ABCA9: variants seen among roughly 807,000 people sequenced by gnomAD.
ABCA9 encodes ATP binding cassette subfamily A member 9.
Under a neutral mutation model 205.3 loss-of-function variants are expected in ABCA9, and 183 were observed. The ratio of observed to expected loss-of-function variants is 0.89; its 90% confidence interval spans 0.79 to 1.01. The LOEUF (loss-of-function observed/expected upper bound fraction) is 1.01. Among genes scored for constraint, ABCA9 ranks in the 50% least tolerant of loss-of-function variants. The pLI, the probability that ABCA9 is intolerant of heterozygous loss-of-function variation, is 0.00. For synonymous variants in ABCA9, 651 were observed against 683.3 expected (o/e 0.95, Z 0.74); for missense variants, 1,805 against 1,912.4 (o/e 0.94, Z 1.05).
chr17:69,012,129 GT>G, intron 22 of ABCA9, 46 bp from the exon 23 acceptor site: 1 of 1,326,062 alleles, frequency 7.5e-7, no homozygotes, highest in Non-Finnish European at 1.1e-6. Context: ...TTGGGCATCT[GT>G]TTCATCTGTA....
intron 3 of ABCA9, among the ~76,000 whole-genome samples, chr17:69,048,169 G>A (rs1217572297): frequency 6.6e-6 from 1 of 152,108 alleles, no homozygotes; most frequent in African/African-American, 2.4e-5. Context: ...TCAAAACATG[G>A]AGATTACAGG....
At chr17:69,026,910 T>C (rs2144333838) in intron 15 of ABCA9, 66 bp downstream of exon 15, 2 of 1,567,738 alleles carry the variant, frequency 1.3e-6, no homozygotes, top group East Asian at 2.2e-5. Flanking sequence ...CTGTGGAGCA[T>C]ACCTGTTCAT....
At chr17:69,062,653 G>A (rs1015456558), upstream of ABCA9, among the ~76,000 whole-genome samples, 4 of 152,042 alleles carry the variant, frequency 2.6e-5, no homozygotes, top group Non-Finnish European at 4.4e-5. Context: ...TGGGACTACA[G>A]GCACCTGCCA....
At chr17:68,995,277 T>A (rs2069580252) in intron 26 of ABCA9, among the ~76,000 whole-genome samples, 1 of 152,138 alleles carries the variant, frequency 6.6e-6, no homozygotes, top group African/African-American at 2.4e-5. Flanking sequence ...TGTTCTCTTA[T>A]CTCCCTGGCT....
Position 69,033,815 on chromosome 17 carries a change from G to GGA in ABCA9, c.1185_1186dup (p.Pro396LeufsTer5), listed in dbSNP as rs2071242282. 1.2e-6 allele frequency: 2 copies of GGA among 1,608,334 alleles called. No individual in the cohort carries two copies. Among genetic ancestry groups the GGA allele is most frequent in the Non-Finnish European group, 1.7e-6 (2 of 1,175,442 alleles). ...GAAAAGAGTAGCTATTATGAGGTAT[G>GGA]GATTTTGTGAAGAATCCAAGTGGGC... On this transcript the variant is annotated frameshift_variant, in exon 9 of 39. Transcript: ENST00000340001. LOFTEE classifies it high-confidence loss of function.
Position 68,974,879 on chromosome 17 carries a change from G to C in ABCA9, c.*1036C>G, listed in dbSNP as rs2068859313. On this transcript the variant is annotated 3_prime_UTR_variant, in exon 39 of 39. Transcript: ENST00000340001. ...TTTATTTATTTTTATTATACTTTAA[G>C]TTCTGGGATACATGTGCTGAATGTG... 6.6e-6 allele frequency: 1 copy of C among 152,020 alleles called. No individual in the cohort carries two copies. The highest frequency in any genetic ancestry group is 6.6e-5 in the Admixed American group (1 of 15,266). 9.4% of individuals were successfully genotyped at this position (152,020 alleles called of 1,614,324 possible).
Position 68,989,051 on chromosome 17 carries a change from T to C in ABCA9, c.4023A>G (p.Gly1341=), listed in dbSNP as rs2144013468. 1 of 1,613,074 alleles carries C rather than the reference T, an allele frequency of 6.2e-7. No individual in the cohort carries two copies. Among genetic ancestry groups the C allele is most frequent in the Non-Finnish European group, 8.5e-7 (1 of 1,179,148 alleles). Residue 1341 remains glycine, a synonymous_variant, in exon 31 of 39, where the codon GGA becomes GGG. Transcript: ENST00000340001. ...CCTGTCCTGCAGTTGGTTTTGTGTC[T>C]CCAGTTATCATCTTAATAGTTGTAC... ...GKSTTIKMIT[G]DTKPTAGQVI... is the part of the protein sequence containing the mutation.
At chr17:69,032,486 A>C (rs878908871) in intron 9 of ABCA9, 2 of 427,386 alleles carry the variant, frequency 4.7e-6, no homozygotes, top group Admixed American at 4.0e-5. Flanking sequence ...TAACATGAGA[A>C]GCATGTAGCA....
upstream of ABCA9, among the ~76,000 whole-genome samples, chr17:69,065,427 T>C (rs2072337216): frequency 6.6e-6 from 1 of 152,206 alleles, no homozygotes. Context: ...TCATTCCCAC[T>C]ACTGCCTTGA....
chr17:69,058,653 C>T (rs9902715), intron 1 of ABCA9, among the ~76,000 whole-genome samples: 11 of 152,086 alleles, frequency 7.2e-5, no homozygotes, highest in Middle Eastern at 3.4e-3. Flanking sequence ...GCCTGGCCAA[C>T]GTGGTGAAAC....
Position 69,008,149 on chromosome 17 carries a change from G to C in ABCA9, c.3234C>G (p.Tyr1078Ter). The change falls in exon 24 of 39, where the codon TAC (tyrosine) becomes TAG (stop). Residue 1078 changes from tyrosine to a stop codon, truncating the protein, a stop_gained. Coordinates refer to ENST00000340001, the MANE Select transcript of ABCA9 (RefSeq NM_080283.4). LOFTEE classifies it high-confidence loss of function. ...TTTGCATTAGCAGGAGGATCAAAAA[G>C]TACAGGGAAACATCCACCAGTGCTT... ...FGQALVDVSL[Y>*]FLILLLMQIM... is the part of the protein sequence containing the mutation. 2 of 1,613,474 alleles carry C rather than the reference G, an allele frequency of 1.2e-6. No individual in the cohort carries two copies. Among genetic ancestry groups the C allele is most frequent in the South Asian group, 1.1e-5 (1 of 91,066 alleles).
intron 31 of ABCA9, among the ~76,000 whole-genome samples, chr17:68,987,184 G>C (rs1187549205): frequency 6.6e-6 from 1 of 152,138 alleles, no homozygotes; most frequent in African/African-American, 2.4e-5. Context: ...ATTATCACAA[G>C]CATGGATTAT....
rs1406768655 is a variant in ABCA9 at position 69,020,349 on chromosome 17, T to C, written c.2600+39A>G. ...TTTGCTCTCTTAAATTTATTTTTAG[T>C]TCACAGACAAAACAAATCTGAAACA... is the stretch of plus-strand genomic sequence containing the variant. On this transcript the variant is annotated intron_variant, in intron 19 of 38. Transcript: ENST00000340001. 1.9e-6 allele frequency: 3 copies of C among 1,546,426 alleles called. No homozygotes were observed. In the East Asian group the frequency reaches 6.8e-5, roughly 35 times the overall value.
intron 23 of ABCA9, among the ~76,000 whole-genome samples, chr17:69,011,212 G>GTAAC (rs1197760596): frequency 6.6e-6 from 1 of 152,140 alleles, no homozygotes; most frequent in African/African-American, 2.4e-5. Context: ...GAGTGATTAA[G>GTAAC]TAACTTTTGA....
the ABCA9 span, chr17:69,078,923 TA>T: frequency 9.1e-7 from 1 of 1,104,164 alleles, no homozygotes; most frequent in Non-Finnish European, 1.3e-6. Context: ...AATTATTACA[TA>T]AAACATGAGT....
At chr17:68,992,005 T>A (rs951806807) in intron 28 of ABCA9, among the ~76,000 whole-genome samples, 170 bp downstream of exon 28, 3 of 152,240 alleles carry the variant, frequency 2.0e-5, no homozygotes, top group African/African-American at 4.8e-5. Context: ...TCTCTCTAGA[T>A]TGTAAGCTCA....
intron 32 of ABCA9, among the ~76,000 whole-genome samples, chr17:68,985,496 C>T (rs1234514050): frequency 1.3e-5 from 2 of 152,120 alleles, no homozygotes; most frequent in Non-Finnish European, 2.9e-5. Context: ...GTGGCGTGCA[C>T]CTGTAGTCCC....
intron 22 of ABCA9, among the ~76,000 whole-genome samples, chr17:69,012,805 T>A (rs928203573): frequency 6.6e-6 from 1 of 152,190 alleles, no homozygotes; most frequent in African/African-American, 2.4e-5. Flanking sequence ...GTCACCCTGT[T>A]GTGCTATAAA....
chr17:69,022,347 CAG>C (rs1291414724), intron 17 of ABCA9: 1 of 147,784 alleles, frequency 6.8e-6, no homozygotes, highest in Non-Finnish European at 1.5e-5. Flanking sequence ...TTTTTTGAGA[CAG>C]AGTCTTGCTT....
Sources: gnomAD v4.1 joint callset for allele counts (sites outside exome capture counted in the v4.1 genomes callset) on GRCh38, gnomAD v4.1.1 for gene constraint, MANE v1.5 for transcripts, NCBI Gene and HGNC (gene_info 2026-07-23, HGNC 2026-07-21) for gene names.